Variants in KLF12 observed in about 807,000 individuals in gnomAD.
The protein encoded by KLF12 is Krueppel-like factor 12.
Under a neutral mutation model 37.8 loss-of-function variants are expected in KLF12, and 9 were observed. The observed-to-expected ratio is 0.24, with a 90% CI of 0.14 to 0.42. The LOEUF is 0.42. KLF12 is among the 10% of genes least tolerant of loss of function. KLF12 has a pLI of 1.00. For missense variants in KLF12, 411 were observed against 516.0 expected, an observed-to-expected ratio of 0.80 and a Z score of 1.97; for synonymous variants, 208 against 202.1, an observed-to-expected ratio of 1.03 and a Z score of -0.25.
In KLF12 at chr13:73,896,878, T is replaced by C. The variant is rs115745599; in HGVS notation, c.123+47103A>G. 3.9e-3 allele frequency among the ~76,000 whole-genome samples: 594 copies of C among 152,282 alleles called. 6 individuals carry two copies. Among genetic ancestry groups the C allele is most frequent in the African/African-American group, 0.014 (562 of 41,572 alleles). On this transcript the variant is annotated intron_variant, in intron 3 of 7. Transcript: ENST00000377669. ...ATGATAGAGATGAGTATTTGGAACG[T>C]TGAAGACTTTCCTTTTATTAGTTCT...
intron 4 of KLF12, among the ~76,000 whole-genome samples, chr13:73,831,849 T>A (rs1225515157): frequency 6.6e-6 from 1 of 152,188 alleles, no homozygotes; most frequent in Non-Finnish European, 1.5e-5. Flanking sequence ...GAAAGAGAAG[T>A]GCTACAAAAT....
chr13:73,873,975 A>C (rs1393579937), intron 3 of KLF12, among the ~76,000 whole-genome samples: 1 of 152,238 alleles, frequency 6.6e-6, no homozygotes, highest in African/African-American at 2.4e-5. Context: ...ATGCAAATGA[A>C]TACAAGTGAA....
chr13:74,170,705 A>G, the KLF12 span, among the ~76,000 whole-genome samples: 3 of 152,156 alleles, frequency 2.0e-5, no homozygotes, highest in African/African-American at 4.8e-5. Context: ...CACATGTTTG[A>G]AAAAGGGTGG....
chr13:73,730,902 T>C (rs1336127210), intron 6 of KLF12, among the ~76,000 whole-genome samples: 1 of 152,170 alleles, frequency 6.6e-6, no homozygotes, highest in Non-Finnish European at 1.5e-5. Context: ...GTTCAATGTG[T>C]AGGTCCTGGA....
chr13:73,747,609 TA>T (rs1223509367), intron 6 of KLF12, among the ~76,000 whole-genome samples: 2 of 152,216 alleles, frequency 1.3e-5, no homozygotes, highest in Admixed American at 6.5e-5. Flanking sequence ...CCCCTTGTAA[TA>T]ATAGTCAACA....
At chr13:74,108,206 C>CAAT (rs200117619) in intron 1 of KLF12, among the ~76,000 whole-genome samples, 8 of 151,492 alleles carry the variant, frequency 5.3e-5, no homozygotes, top group East Asian at 1.9e-4. Context: ...TCTGCAATAG[C>CAAT]AATAATAATA....
chr13:73,937,063 A>G lies in KLF12; in HGVS notation c.123+6918T>C, dbSNP rs546456097. On this transcript the variant is annotated intron_variant, in intron 3 of 7. Coordinates refer to ENST00000377669, the MANE Select transcript of KLF12 (RefSeq NM_007249.5). ...AAATTAGCCAGGCATGGTGGCATGT[A>G]CTTATAATCCCAGTTACTTGGGAGG... 2.4e-3 allele frequency among the ~76,000 whole-genome samples: 369 copies of G among 152,186 alleles called. 2 individuals carry two copies. Among genetic ancestry groups the G allele is most frequent in the Non-Finnish European group, 3.6e-3 (243 of 67,998 alleles).
At chr13:74,236,106 C>G in the KLF12 span, among the ~76,000 whole-genome samples, 1 of 148,044 alleles carries the variant, frequency 6.8e-6, no homozygotes, top group Admixed American at 6.7e-5. Context: ...TCCCCCAACC[C>G]ACAACAGTCC....
At chr13:74,151,530 G>A in the KLF12 span, among the ~76,000 whole-genome samples, 1 of 152,104 alleles carries the variant, frequency 6.6e-6, no homozygotes, top group Non-Finnish European at 1.5e-5. Context: ...GTGCACACCT[G>A]TAGTTCCAGT....
intron 1 of KLF12, among the ~76,000 whole-genome samples, chr13:74,022,916 C>A (rs538537663): frequency 6.6e-6 from 1 of 151,878 alleles, no homozygotes; most frequent in Non-Finnish European, 1.5e-5. Flanking sequence ...AAACTCTCTT[C>A]GACCTAACTC....
chr13:73,842,542 T>C (rs1283618920), intron 4 of KLF12, among the ~76,000 whole-genome samples: 1 of 152,214 alleles, frequency 6.6e-6, no homozygotes, highest in African/African-American at 2.4e-5. Context: ...TGACAGGACA[T>C]GTGAGCTTAG....
intron 5 of KLF12, among the ~76,000 whole-genome samples, chr13:73,784,811 C>G (rs778606122): frequency 6.6e-6 from 1 of 151,618 alleles, no homozygotes; most frequent in African/African-American, 2.4e-5. Flanking sequence ...TTTGTTTTTG[C>G]ATTTTTTGTA....
rs139133580 is a variant in KLF12, at chr13:74,068,208, G to C, written c.-32+65531C>G. On this transcript the variant is annotated intron_variant, in intron 1 of 7. Transcript: ENST00000377669. Reference sequence around the variant, plus strand: ...CATTACTTAAGGAAGTGAAATAAGAGGATGAAATGCAGCACAGTGTCTATT... The same window carrying C: ...CATTACTTAAGGAAGTGAAATAAGACGATGAAATGCAGCACAGTGTCTATT... Among the ~76,000 whole-genome samples the C allele has an allele frequency of 2.2e-3, 337 of 152,276 alleles. 3 individuals carry two copies. The highest frequency in any genetic ancestry group is 7.7e-3 in the African/African-American group (320 of 41,560).
chr13:73,861,238 T>C (rs1393832233), intron 3 of KLF12, among the ~76,000 whole-genome samples: 3 of 152,178 alleles, frequency 2.0e-5, no homozygotes, highest in Non-Finnish European at 4.4e-5. Context: ...TAAATGCATG[T>C]ACCCCATTCT....
chr13:73,905,192 T>C (rs1439120241), intron 3 of KLF12, among the ~76,000 whole-genome samples: 1 of 152,194 alleles, frequency 6.6e-6, no homozygotes, highest in Non-Finnish European at 1.5e-5. Flanking sequence ...TTTTCCCCTT[T>C]AGAAGGACCT....
intron 3 of KLF12, among the ~76,000 whole-genome samples, chr13:73,922,190 T>C (rs1593730752): frequency 6.6e-6 from 1 of 152,292 alleles, no homozygotes; most frequent in East Asian, 1.9e-4. Context: ...CATATTTTCT[T>C]TACACTGAAA....
At chr13:73,751,213 G>T (rs1002204086) in intron 6 of KLF12, among the ~76,000 whole-genome samples, 41 of 152,136 alleles carry the variant, frequency 2.7e-4, no homozygotes, top group Admixed American at 2.4e-3. Context: ...ATGAGTGCAG[G>T]TATCTTTTTG....
Position 73,878,445 on chromosome 13 carries a change from A to C in KLF12, c.124-32072T>G, listed in dbSNP as rs1349575124. On this transcript the variant is annotated intron_variant, in intron 3 of 7. Transcript: ENST00000377669. ...GTTCCAGGTAGGCAAAACTAAAAGGAAATAAGATAAAAATGCAAAGGAAGT... is the reference window on the plus strand; with the variant it reads ...GTTCCAGGTAGGCAAAACTAAAAGGCAATAAGATAAAAATGCAAAGGAAGT... 2.0e-5 allele frequency among the ~76,000 whole-genome samples: 3 copies of C among 152,204 alleles called. No individual in the cohort carries two copies. In the East Asian group the frequency reaches 5.8e-4, roughly 29 times the overall value.
chr13:73,691,873 C>T lies in KLF12; in HGVS notation c.*3617G>A, dbSNP rs1011039561. 1.3e-5 allele frequency: 2 copies of T among 152,556 alleles called. No homozygotes were observed. The highest frequency in any genetic ancestry group is 2.4e-5 in the African/African-American group (1 of 41,424). The allele number at this position is 152,556 out of a possible 1,614,324, so 9.5% of individuals were successfully genotyped here. A position where few individuals can be genotyped will look rare whatever the true frequency, so the allele number is the denominator to read the frequency against. ...TGTATAAAAATGAACACAATCTTTG[C>T]ATAAGCTATTCCAAATCTGAACCAT... On this transcript the variant is annotated 3_prime_UTR_variant, in exon 8 of 8. Coordinates refer to ENST00000377669, the MANE Select transcript of KLF12 (RefSeq NM_007249.5).
Sources: gnomAD v4.1 joint callset for allele counts (sites outside exome capture counted in the v4.1 genomes callset) on GRCh38, gnomAD v4.1.1 for gene constraint, MANE v1.5 for transcripts, NCBI Gene and HGNC (gene_info 2026-07-23, HGNC 2026-07-21) for gene names.